APC: variants seen among roughly 807,000 people sequenced by gnomAD.
APC encodes adenomatous polyposis coli protein.
APC carries 72 observed loss-of-function variants against 247.0 expected under a neutral mutation model. The ratio of observed to expected loss-of-function variants is 0.29; its 90% CI spans 0.24 to 0.35. APC has a LOEUF of 0.35. Among genes scored for constraint, APC ranks in the 10% least tolerant of loss-of-function variants. The pLI, the probability that APC is intolerant of heterozygous loss-of-function variation, is 1.00. For synonymous variants in APC, 1,254 were observed against 1,162.5 expected (o/e 1.08, Z -1.60); for missense variants, 3,400 against 3,360.7 (o/e 1.01, Z -0.29).
At position 112,838,897 on chromosome 5, in the gene APC, A is replaced by G. The variant is rs587780594; in HGVS notation, c.3303A>G (p.Pro1101=). ...PHFGQQECVS[P]YRSRGANGSE... Reference sequence around the variant, plus strand: ...TTGGACAGCAGGAATGTGTTTCTCCATACAGGTCACGGGGAGCCAATGGTT... The same window carrying G: ...TTGGACAGCAGGAATGTGTTTCTCCGTACAGGTCACGGGGAGCCAATGGTT... The change falls in exon 16 of 16, where the codon CCA becomes CCG. Residue 1101 remains proline (P), a synonymous_variant. Transcript: ENST00000257430. The G allele has an allele frequency of 1.9e-6, 3 of 1,614,036 alleles. No individual in the cohort carries two copies. Among genetic ancestry groups the G allele is most frequent in the South Asian group, 1.1e-5 (1 of 91,086 alleles).
In APC at chr5:112,838,009, A is replaced by G. The variant is rs940992617; in HGVS notation, c.2415A>G (p.Arg805=). 1 of 1,614,072 alleles carries G rather than the reference A, an allele frequency of 6.2e-7. No homozygotes were observed. The highest frequency in any genetic ancestry group is 8.5e-7 in the Non-Finnish European group (1 of 1,180,036). ...LYGDYVFDTN[R]HDDNRSDNFN... is the part of the protein sequence containing the mutation. ...GTGATTATGTTTTTGACACCAATCG[A>G]CATGATGATAATAGGTCAGACAATT... The change falls in exon 16 of 16, where the codon CGA becomes CGG. Residue 805 remains arginine (R), a synonymous_variant. Coordinates refer to ENST00000257430, the MANE Select transcript of APC (RefSeq NM_000038.6).
At chr5:112,747,221 G>C (rs1239406371) in intron 1 of APC, among the ~76,000 whole-genome samples, 1 of 139,160 alleles carries the variant, frequency 7.2e-6, no homozygotes, top group Non-Finnish European at 1.5e-5. Context: ...AAGATACAGA[G>C]GCATAGGACC....
At position 112,839,563 on chromosome 5, in the gene APC, T is replaced by C. The variant is rs1465937926; in HGVS notation, c.3969T>C (p.Val1323=). The C allele has an allele frequency of 6.2e-7, 1 of 1,614,110 alleles. No individual in the cohort carries two copies. The highest frequency in any genetic ancestry group is 8.5e-7 in the Non-Finnish European group (1 of 1,180,020). Residue 1323 remains valine (V), a synonymous_variant, in exon 16 of 16, where the codon GTT becomes GTC. Coordinates refer to ENST00000257430, the MANE Select transcript of APC (RefSeq NM_000038.6). The surrounding 1 kb of genome is among the most constrained non-coding windows in gnomAD (Gnocchi z 5.0). ...CAGCTGAAGATCCTGTGAGCGAAGT[T>C]CCAGCAGTGTCACAGCACCCTAGAA... ...TRSAEDPVSE[V]PAVSQHPRTK...
chr5:112,789,394 G>C (rs1336502684), intron 6 of APC, among the ~76,000 whole-genome samples: 2 of 152,134 alleles, frequency 1.3e-5, no homozygotes, highest in Non-Finnish European at 1.5e-5. Flanking sequence ...AATACTCAAG[G>C]TGTAGTGGCT....
At chr5:112,826,395 C>T (rs1763660221) in intron 11 of APC, among the ~76,000 whole-genome samples, 1 of 151,630 alleles carries the variant, frequency 6.6e-6, no homozygotes, top group South Asian at 2.1e-4. Flanking sequence ...TTTGTTTTCT[C>T]CTTGACTTCC....
intron 15 of APC, among the ~76,000 whole-genome samples, chr5:112,835,857 G>A (rs79080534): frequency 6.6e-6 from 1 of 151,792 alleles, no homozygotes; most frequent in African/African-American, 2.4e-5. Flanking sequence ...ACAGGTGTGA[G>A]CCACCGCGCC....
At position 112,775,612 on chromosome 5, in the gene APC, T is replaced by TTA. The variant is rs1757539479; in HGVS notation, c.423-17_423-16insTA. The TTA allele has an allele frequency of 2.0e-4, 229 of 1,170,946 alleles. No individual in the cohort carries two copies. Among genetic ancestry groups the TTA allele is most frequent in the Non-Finnish European group, 2.4e-4 (197 of 834,744 alleles). The allele number at this position is 1,170,946 out of a possible 1,614,324, so 72.5% of individuals were successfully genotyped here. On this transcript the variant is annotated splice_polypyrimidine_tract_variant and intron_variant, in intron 4 of 15. Transcript: ENST00000257430. ...AGCATTGTTTAAACGTACCTTTTTT[T>TTA]AAAAAAAAAAAAATAGGTCATTGCT...
In APC at chr5:112,760,812, A is replaced by AT. The variant is rs748700583; in HGVS notation, c.136-5500dup. On this transcript the variant is annotated intron_variant, in intron 2 of 15. Transcript: ENST00000257430. Reference sequence around the variant, plus strand: ...TAAAATTGCAACTAGGTCTCAATCCATTTTTTTTTTTTTTCAAGACAGAGT... The same window carrying AT: ...TAAAATTGCAACTAGGTCTCAATCCATTTTTTTTTTTTTTTCAAGACAGAGT... Among the ~76,000 whole-genome samples, 1,018 of 143,228 alleles carry AT rather than the reference A, an allele frequency of 7.1e-3. 6 individuals are homozygous for AT. Among genetic ancestry groups the AT allele is most frequent in the African/African-American group, 0.018 (728 of 39,366 alleles). 94.0% of individuals were successfully genotyped at this position (143,228 alleles called of 152,430 possible).
At chr5:112,775,591 T>G in intron 4 of APC, 38 bp from the exon 5 acceptor site, 2 of 1,254,070 alleles carry the variant, frequency 1.6e-6, no homozygotes, top group Non-Finnish European at 2.3e-6. Flanking sequence ...TTTATTAGCA[T>G]TGTTTAAACG....
At chr5:112,807,875 C>T (rs983265150) in intron 8 of APC, among the ~76,000 whole-genome samples, 10 of 152,128 alleles carry the variant, frequency 6.6e-5, no homozygotes, top group African/African-American at 1.9e-4. Context: ...ACATAACTGG[C>T]CAGGTGTGGT....
Position 112,841,492 on chromosome 5 carries a change from T to G in APC, c.5898T>G (p.Asn1966Lys). ...ATACTCCGGTTTGCTTTTCTCATAA[T>G]TCCTCTCTGAGTTCTCTCAGTGACA... is the stretch of plus-strand genomic sequence containing the variant. ...IENTPVCFSH[N>K]SSLSSLSDID... The change falls in exon 16 of 16, where the codon AAT becomes AAG. Residue 1966 changes from asparagine (N) to lysine (K), a missense_variant. By Grantham distance (94) the Asn-to-Lys change is moderately conservative (BLOSUM62 0). Around this residue, in one of 9 missense-constraint regions of APC, gnomAD observed 1,788 missense variants for 1,649.5 expected, o/e 1.08. Coordinates refer to ENST00000257430, the MANE Select transcript of APC (RefSeq NM_000038.6). This position sits in a 1 kb window ranked among gnomAD's most constrained non-coding sequence, Gnocchi z 4.6. 1 of 1,613,534 alleles carries G rather than the reference T, an allele frequency of 6.2e-7. No homozygotes were observed.
chr5:112,708,886 T>C (rs1252791359), intron 1 of APC, among the ~76,000 whole-genome samples: 1 of 152,244 alleles, frequency 6.6e-6, no homozygotes, highest in Non-Finnish European at 1.5e-5. Context: ...GTAGTCAGAA[T>C]TACTGGTGTA....
intron 7 of APC, among the ~76,000 whole-genome samples, chr5:112,794,792 G>A (rs2149692201): frequency 6.6e-6 from 1 of 152,236 alleles, no homozygotes. Context: ...CAAATTCCAG[G>A]CTTCCACATC....
chr5:112,813,965 G>A (rs1232552384), intron 8 of APC, among the ~76,000 whole-genome samples: 3 of 151,986 alleles, frequency 2.0e-5, no homozygotes, highest in East Asian at 1.9e-4. Context: ...AAGACAATTC[G>A]AATGATGTCC....
chr5:112,792,337 A>G lies in APC; in HGVS notation c.646-109A>G. The G allele has an allele frequency of 5.8e-6, 4 of 690,236 alleles. 1 individual carries two copies. The highest frequency in any genetic ancestry group is 4.9e-6 in the Non-Finnish European group (2 of 410,414). 42.8% of individuals were successfully genotyped at this position (690,236 alleles called of 1,614,324 possible). A position where few individuals can be genotyped will look rare whatever the true frequency, so the allele number is the denominator to read the frequency against. On this transcript the variant is annotated intron_variant, in intron 6 of 15. Transcript: ENST00000257430. ...ATTTATATGTCTAGCTTTTTAAATG[A>G]GAATGATTTGACATAACCCTGAGCT... is the stretch of plus-strand genomic sequence containing the variant.
At chr5:112,835,914 C>A (rs1420385838) in intron 15 of APC, among the ~76,000 whole-genome samples, 1 of 151,200 alleles carries the variant, frequency 6.6e-6, no homozygotes, top group Non-Finnish European at 1.5e-5. Flanking sequence ...TTCATCCAAT[C>A]TGCTAGAGTT....
chr5:112,740,208 C>T (rs1752829701), intron 1 of APC, among the ~76,000 whole-genome samples: 1 of 152,164 alleles, frequency 6.6e-6, no homozygotes, highest in Non-Finnish European at 1.5e-5. Flanking sequence ...GGAGAAGCAG[C>T]AGTTTTCATA....
At chr5:112,754,792 T>G in intron 1 of APC, 81 bp from the exon 2 acceptor site, 1 of 1,363,708 alleles carries the variant, frequency 7.3e-7, no homozygotes, top group South Asian at 1.2e-5. Context: ...AAGAGTTTTG[T>G]TTCCTTTACC....
At chr5:112,768,475 TGGA>T (rs1011910476) in intron 4 of APC, among the ~76,000 whole-genome samples, 10 of 151,360 alleles carry the variant, frequency 6.6e-5, no homozygotes, top group African/African-American at 2.4e-4. Flanking sequence ...CTTTTCATTA[TGGA>T]AGGCCCACTA....
Sources: gnomAD v4.1 joint callset for allele counts (sites outside exome capture counted in the v4.1 genomes callset) on GRCh38, gnomAD v4.1.1 for gene constraint, gnomAD v4.1.1 regional missense constraint, Gnocchi (gnomAD v3.1) non-coding constraint, MANE v1.5 for transcripts, NCBI Gene and HGNC (gene_info 2026-07-23, HGNC 2026-07-21) for gene names.